The following XNDC1N variants were observed in gnomAD, a reference collection of about 807,000 sequenced individuals.
XNDC1N encodes XRCC1 N-terminal domain containing 1, N-terminal like, also known as protein XNDC1N.
the XNDC1N span, among the ~76,000 whole-genome samples, chr11:71,913,348 A>C: frequency 1.3e-5 from 2 of 152,042 alleles, no homozygotes; most frequent in African/African-American, 2.4e-5. Context: ...TATTGGGAGT[A>C]AGATCATCCT....
At chr11:71,914,921 G>A in the XNDC1N span, among the ~76,000 whole-genome samples, 1 of 152,176 alleles carries the variant, frequency 6.6e-6, no homozygotes, top group South Asian at 2.1e-4. Context: ...AGCAGTGGCT[G>A]GGTTTGGGAG....
chr11:71,866,989 C>A, the XNDC1N span, among the ~76,000 whole-genome samples: 1 of 152,022 alleles, frequency 6.6e-6, no homozygotes, highest in African/African-American at 2.4e-5. Flanking sequence ...ATTGCAATTT[C>A]CATATTCAAA....
the XNDC1N span, among the ~76,000 whole-genome samples, chr11:71,899,585 C>T: frequency 3.3e-5 from 5 of 152,322 alleles, no homozygotes; most frequent in South Asian, 4.2e-4. Flanking sequence ...CTGCGCAGGA[C>T]GTGCCTTGTT....
the XNDC1N span, among the ~76,000 whole-genome samples, chr11:71,887,940 C>T: frequency 1.4e-5 from 2 of 139,032 alleles, no homozygotes; most frequent in Admixed American, 1.4e-4. Flanking sequence ...TGGGAAGATC[C>T]GGAGTCAGGT....
the XNDC1N span, among the ~76,000 whole-genome samples, chr11:71,873,472 A>C: frequency 6.6e-6 from 1 of 152,232 alleles, no homozygotes; most frequent in South Asian, 2.1e-4. Context: ...TGCAGGGAGC[A>C]TGCCCTTTTC....
At chr11:71,900,234 G>A in the XNDC1N span, among the ~76,000 whole-genome samples, 4,751 of 129,208 alleles carry the variant, frequency 0.037, 60 homozygotes, top group East Asian at 0.088. Context: ...GGCCAGTGCC[G>A]GTGCAGATCC....
the XNDC1N span, among the ~76,000 whole-genome samples, chr11:71,906,210 T>C: frequency 6.6e-6 from 1 of 151,564 alleles, no homozygotes; most frequent in African/African-American, 2.4e-5. Flanking sequence ...ATTAGGAGAA[T>C]CATCTCATCA....
At chr11:71,928,330 T>C in the XNDC1N span, 1 of 626,680 alleles carries the variant, frequency 1.6e-6, no homozygotes, top group Non-Finnish European at 2.9e-6. Context: ...TCTCGGCCAC[T>C]CCCCTCCCCA....
chr11:71,886,331 T>C, the XNDC1N span, among the ~76,000 whole-genome samples: 1 of 152,034 alleles, frequency 6.6e-6, no homozygotes, highest in African/African-American at 2.4e-5. Context: ...CGGAGAGTCC[T>C]CAAGCAGCAA....
chr11:71,905,964 C>G, the XNDC1N span, among the ~76,000 whole-genome samples: 501 of 152,090 alleles, frequency 3.3e-3, 5 homozygotes, highest in African/African-American at 0.012. Flanking sequence ...GGAGTAGCAT[C>G]CCCCTACAAT....
the XNDC1N span, among the ~76,000 whole-genome samples, chr11:71,886,131 G>A: frequency 6.6e-6 from 1 of 152,212 alleles, no homozygotes; most frequent in South Asian, 2.1e-4. Flanking sequence ...GTCACGTGGT[G>A]GAGAGGCGTG....
the XNDC1N span, among the ~76,000 whole-genome samples, chr11:71,905,317 A>G: frequency 6.6e-6 from 1 of 151,842 alleles, no homozygotes; most frequent in Non-Finnish European, 1.5e-5. Context: ...ATTAGGAGTA[A>G]GCTCTTCCTA....
the XNDC1N span, among the ~76,000 whole-genome samples, chr11:71,915,892 A>C: frequency 3.3e-5 from 5 of 152,236 alleles, no homozygotes; most frequent in African/African-American, 1.2e-4. Flanking sequence ...CGTGTGAGAC[A>C]GGGAAGGAGA....
the XNDC1N span, among the ~76,000 whole-genome samples, chr11:71,873,387 T>C: frequency 6.6e-6 from 1 of 152,236 alleles, no homozygotes; most frequent in Non-Finnish European, 1.5e-5. Context: ...TAGGAATGTG[T>C]TGTGTTTGAA....
chr11:71,877,471 C>T, the XNDC1N span, among the ~76,000 whole-genome samples: 1 of 152,158 alleles, frequency 6.6e-6, no homozygotes, highest in African/African-American at 2.4e-5. Context: ...GACACTATTG[C>T]TACTAAAGAT....
chr11:71,885,873 AT>A, the XNDC1N span, among the ~76,000 whole-genome samples: 34 of 151,976 alleles, frequency 2.2e-4, no homozygotes, highest in African/African-American at 8.2e-4. Context: ...AATCATTAAT[AT>A]TAATCATGTA....
At chr11:71,905,228 C>T in the XNDC1N span, among the ~76,000 whole-genome samples, 1 of 152,028 alleles carries the variant, frequency 6.6e-6, no homozygotes, top group Non-Finnish European at 1.5e-5. Context: ...AAAGGGTGTA[C>T]ACCCCATGTG....
At chr11:71,882,364 T>C in the XNDC1N span, among the ~76,000 whole-genome samples, 1 of 152,020 alleles carries the variant, frequency 6.6e-6, no homozygotes, top group African/African-American at 2.4e-5. Context: ...CCAAGCAATC[T>C]CGTGCCTCAG....
chr11:71,889,240 T>C, the XNDC1N span, among the ~76,000 whole-genome samples: 3,900 of 152,320 alleles, frequency 0.026, 56 homozygotes, highest in East Asian at 0.077. Context: ...CCTATTGAAT[T>C]CTAGGGAAGA....
Sources: gnomAD v4.1 joint callset for allele counts (sites outside exome capture counted in the v4.1 genomes callset) on GRCh38, gnomAD v4.1.1 for gene constraint, MANE v1.5 for transcripts, NCBI Gene and HGNC (gene_info 2026-07-23, HGNC 2026-07-21) for gene names.